The following SYT16 variants were observed in gnomAD, a reference collection of about 807,000 sequenced individuals.
SYT16 encodes synaptotagmin 16.
In SYT16, 42 loss-of-function variants were observed where a neutral mutation model predicts 61.4. The ratio of observed to expected loss-of-function variants is 0.68; its 90% CI spans 0.53 to 0.89. The LOEUF (loss-of-function observed/expected upper bound fraction) is 0.89, where lower values mean the gene tolerates loss of function less well. Among genes scored for constraint, SYT16 ranks in the 40% least tolerant of loss-of-function variants. The pLI, the probability that SYT16 is intolerant of heterozygous loss-of-function variation, is 0.00. For synonymous variants in SYT16, 314 were observed against 302.3 expected, an observed-to-expected ratio of 1.04 and a Z score of -0.40; for missense variants, 804 against 807.3, an observed-to-expected ratio of 1.00 and a Z score of 0.05.
chr14:62,112,703 A>G (rs1242096788), downstream of SYT16, among the ~76,000 whole-genome samples: 1 of 152,180 alleles, frequency 6.6e-6, no homozygotes, highest in East Asian at 1.9e-4. Context: ...ATATTTTAGA[A>G]CTATAAGCAT....
intron 1 of SYT16, among the ~76,000 whole-genome samples, chr14:61,883,250 C>A (rs2047769273): frequency 2.0e-5 from 3 of 152,218 alleles, no homozygotes; most frequent in Non-Finnish European, 4.4e-5. Flanking sequence ...GCTTGAATTT[C>A]TTCCCAGAAA....
chr14:62,011,358 C>T (rs2053442146), intron 3 of SYT16, among the ~76,000 whole-genome samples: 3 of 152,118 alleles, frequency 2.0e-5, no homozygotes, highest in Non-Finnish European at 4.4e-5. Context: ...AGGTTTATAT[C>T]CTCCTAGGTT....
intron 1 of SYT16, among the ~76,000 whole-genome samples, chr14:61,961,451 G>T (rs2051112190): frequency 1.3e-5 from 2 of 152,100 alleles, no homozygotes; most frequent in Admixed American, 1.3e-4. Flanking sequence ...GTTAAAGAGT[G>T]GGCAAAGTAC....
intron 2 of SYT16, among the ~76,000 whole-genome samples, chr14:61,973,998 G>A (rs77466178): frequency 2.0e-4 from 31 of 152,266 alleles, no homozygotes; most frequent in African/African-American, 4.1e-4. Context: ...GGAGAGTGCC[G>A]CATGCTTCTT....
chr14:61,915,731 G>A (rs987795699), intron 1 of SYT16, among the ~76,000 whole-genome samples: 4 of 152,126 alleles, frequency 2.6e-5, no homozygotes, highest in South Asian at 2.1e-4. Flanking sequence ...GTGTGTTGGC[G>A]TCCAGTGTGA....
rs1475710083 is a variant in SYT16 at position 62,100,582 on chromosome 14, G to T, written c.1813G>T (p.Glu605Ter). ...VYNRRTMKRK[E>*]MIGWIALGQN... The stretch of plus-strand genomic sequence containing the variant: ...TAACAGGCGTACTATGAAGCGTAAA[G>T]AGATGATTGGCTGGATTGCCCTGGG... Residue 605 changes from glutamate to a stop codon, truncating the protein, a stop_gained, in exon 8 of 8, where the codon GAG (glutamate) becomes TAG (stop). Transcript: ENST00000683842. LOFTEE classifies it high-confidence loss of function. 2 of 1,613,700 alleles carry T rather than the reference G, an allele frequency of 1.2e-6. No homozygotes were observed. Among genetic ancestry groups the T allele is most frequent in the African/African-American group, 1.3e-5 (1 of 74,908 alleles).
chr14:62,011,872 T>TACACACACACACAC (rs1233473446), intron 3 of SYT16, among the ~76,000 whole-genome samples: 2,460 of 135,782 alleles, frequency 0.018, 102 homozygotes, highest in African/African-American at 0.071. Context: ...GAACACTATA[T>TACACACACACACAC]ATACACACAC....
chr14:61,934,263 A>T (rs2049890726), intron 1 of SYT16, among the ~76,000 whole-genome samples: 1 of 152,178 alleles, frequency 6.6e-6, no homozygotes, highest in Non-Finnish European at 1.5e-5. Flanking sequence ...TCTTCAAATC[A>T]TTCTCTGCTT....
intron 1 of SYT16, among the ~76,000 whole-genome samples, chr14:61,918,558 A>T (rs117276769): frequency 0.018 from 2,675 of 152,292 alleles, 43 homozygotes; most frequent in Admixed American, 0.028. Context: ...TTATATTTTA[A>T]ATGTTTATAT....
chr14:62,057,010 C>G lies in SYT16; in HGVS notation c.524-12593C>G, dbSNP rs72718582. On this transcript the variant is annotated intron_variant, in intron 3 of 7. Coordinates refer to ENST00000683842, the MANE Select transcript of SYT16 (RefSeq NM_001367656.1). ...GAGCCGCGCTGGGGGGCACGGCGCA[C>G]GACCGGGGACAGGAGGAGGACACTG... Among the ~76,000 whole-genome samples the G allele has an allele frequency of 9.9e-3, 1,506 of 152,272 alleles. 11 individuals are homozygous for G. The highest frequency in any genetic ancestry group is 0.014 in the Non-Finnish European group (976 of 68,010).
At position 62,100,825 on chromosome 14, in the gene SYT16, A is replaced by G. The variant is rs982715524; in HGVS notation, c.*118A>G. 15 of 1,042,360 alleles carry G rather than the reference A, an allele frequency of 1.4e-5. No homozygotes were observed. The African/African-American group carries it at 2.3e-4, about 16-fold the overall frequency. 64.6% of individuals were successfully genotyped at this position (1,042,360 alleles called of 1,614,324 possible). ...TCAAAAACAGATTCCACTAACCCCT[A>G]GGACATTGTGAGTGGGAGTTTTGGG... On this transcript the variant is annotated 3_prime_UTR_variant, in exon 8 of 8. Transcript: ENST00000683842.
chr14:61,834,783 G>T (rs1371716287), intron 1 of SYT16, among the ~76,000 whole-genome samples: 2 of 152,044 alleles, frequency 1.3e-5, no homozygotes, highest in Admixed American at 1.3e-4. Flanking sequence ...CTATCCAGTT[G>T]TACTGGTATA....
intron 1 of SYT16, among the ~76,000 whole-genome samples, chr14:61,918,724 TG>T (rs1037328340): frequency 2.0e-4 from 30 of 151,998 alleles, no homozygotes; most frequent in Admixed American, 1.1e-3. Flanking sequence ...AAGTTATCTC[TG>T]GGGGGTGGGG....
intron 3 of SYT16, among the ~76,000 whole-genome samples, chr14:62,025,564 G>A (rs2054072029): frequency 6.6e-6 from 1 of 152,016 alleles, no homozygotes; most frequent in South Asian, 2.1e-4. Flanking sequence ...TGGTTCTCTT[G>A]ACAGTGTGTT....
At chr14:62,042,408 T>C (rs58991082) in intron 3 of SYT16, among the ~76,000 whole-genome samples, 11,981 of 152,280 alleles carry the variant, frequency 0.079, 1,167 homozygotes, top group African/African-American at 0.23. Context: ...AGTTATATAG[T>C]GGCTCTTCGA....
chr14:61,828,127 A>G (rs1331471204), intron 1 of SYT16, among the ~76,000 whole-genome samples: 1 of 152,212 alleles, frequency 6.6e-6, no homozygotes, highest in Non-Finnish European at 1.5e-5. Flanking sequence ...GCCGCCTACA[A>G]GCCAAAGAGA....
intron 2 of SYT16, among the ~76,000 whole-genome samples, chr14:61,990,264 A>G (rs1359284776): frequency 6.6e-6 from 1 of 152,184 alleles, no homozygotes; most frequent in Non-Finnish European, 1.5e-5. Context: ...TCATAAAAAT[A>G]ATTAGCTTTA....
Position 61,996,338 on chromosome 14 carries a change from C to T in SYT16, c.319C>T (p.Pro107Ser). The part of the protein sequence containing the change: ...DLQDSAQNSS[P>S]SLSQHAKDSC... Reference sequence around the variant, plus strand: ...GCAGGACTCTGCCCAAAATTCAAGCCCAAGCCTTAGCCAACATGCAAAGGA... The same window carrying T: ...GCAGGACTCTGCCCAAAATTCAAGCTCAAGCCTTAGCCAACATGCAAAGGA... Residue 107 changes from proline to serine, a missense_variant, in exon 3 of 8, where the codon CCA (proline) becomes TCA (serine). Transcript: ENST00000683842. 3.7e-6 allele frequency: 6 copies of T among 1,613,376 alleles called. No individual in the cohort carries two copies. The highest frequency in any genetic ancestry group is 1.1e-5 in the South Asian group (1 of 91,050).
chr14:62,028,366 T>C (rs937217907), intron 3 of SYT16, among the ~76,000 whole-genome samples: 1 of 152,158 alleles, frequency 6.6e-6, no homozygotes, highest in Non-Finnish European at 1.5e-5. Context: ...CATTCAATCC[T>C]CCCAACAATT....
Sources: gnomAD v4.1 joint callset for allele counts (sites outside exome capture counted in the v4.1 genomes callset) on GRCh38, gnomAD v4.1.1 for gene constraint, MANE v1.5 for transcripts, NCBI Gene and HGNC (gene_info 2026-07-23, HGNC 2026-07-21) for gene names.